SPATA17: variants seen among roughly 807,000 people sequenced by gnomAD.
SPATA17 encodes the protein spermatogenesis associated 17.
Under a neutral mutation model 62.2 loss-of-function variants are expected in SPATA17, and 53 were observed. The ratio of observed to expected loss-of-function variants is 0.85; its 90% CI spans 0.68 to 1.07. SPATA17 has a LOEUF of 1.07. Ranked by LOEUF, SPATA17 falls within the 50% of genes least tolerant of loss-of-function variation. The pLI is 0.00. For missense variants in SPATA17, 466 were observed against 425.5 expected (o/e 1.10, Z -0.84); for synonymous variants, 146 against 146.8 (o/e 0.99, Z 0.04).
chr1:217,784,322 T>A (rs1673802502), intron 8 of SPATA17, among the ~76,000 whole-genome samples: 1 of 152,186 alleles, frequency 6.6e-6, no homozygotes, highest in Admixed American at 6.5e-5. Flanking sequence ...ATCAGGAACC[T>A]GCTATCTAGA....
At position 217,839,079 on chromosome 1, in the gene SPATA17, G is replaced by A. The variant is rs1013199493; in HGVS notation, c.1006-23695G>A. On this transcript the variant is annotated intron_variant, in intron 9 of 10. Transcript: ENST00000366933. ...CAAAAACACCCTGGATATTAAAAGC[G>A]ACTTTGGGCTCTAATGTGAAGCCCA... Among the ~76,000 whole-genome samples the A allele has an allele frequency of 5.9e-5, 9 of 152,016 alleles. No individual in the cohort carries two copies. In the South Asian group the frequency reaches 1.4e-3, roughly 24 times the overall value.
At chr1:217,837,154 G>A (rs1001095986) in intron 9 of SPATA17, among the ~76,000 whole-genome samples, 8 of 152,004 alleles carry the variant, frequency 5.3e-5, no homozygotes, top group African/African-American at 1.7e-4. Flanking sequence ...TAGAGCTCCT[G>A]AATCTAGATA....
chr1:217,641,201 T>C (rs1157681571), intron 1 of SPATA17, among the ~76,000 whole-genome samples: 1 of 152,134 alleles, frequency 6.6e-6, no homozygotes, highest in Non-Finnish European at 1.5e-5. Context: ...TATTTTTAGG[T>C]ATTGATACAG....
At chr1:217,783,501 T>G (rs948346747) in intron 8 of SPATA17, among the ~76,000 whole-genome samples, 5 of 152,108 alleles carry the variant, frequency 3.3e-5, no homozygotes, top group Middle Eastern at 3.4e-3. Context: ...AATAAGGAAC[T>G]TTTTTTCCAA....
rs1358246759 is a variant in SPATA17, at chr1:217,867,773, T to C, written c.*754T>C. On this transcript the variant is annotated 3_prime_UTR_variant, in exon 11 of 11. Coordinates refer to ENST00000366933, the MANE Select transcript of SPATA17 (RefSeq NM_138796.4). ...CATTTGAGGTTCCTATATCCTTTAA[T>C]CCCATCCCATGTGTATCTTTACAAT... is the stretch of plus-strand genomic sequence containing the variant. 1 of 152,186 alleles carries C rather than the reference T, an allele frequency of 6.6e-6. No homozygotes were observed. The highest frequency in any genetic ancestry group is 2.4e-5 in the African/African-American group (1 of 41,446). 9.4% of individuals were successfully genotyped at this position (152,186 alleles called of 1,614,324 possible).
chr1:217,804,307 G>C (rs572935864), intron 9 of SPATA17, among the ~76,000 whole-genome samples: 37 of 152,296 alleles, frequency 2.4e-4, no homozygotes, highest in African/African-American at 8.7e-4. Context: ...AGTGGGGACA[G>C]GATGGTCTCT....
chr1:217,720,136 C>T (rs569081834), intron 5 of SPATA17, among the ~76,000 whole-genome samples: 3 of 152,282 alleles, frequency 2.0e-5, no homozygotes, highest in South Asian at 2.1e-4. Flanking sequence ...CATATCCCTC[C>T]AGAACCCTTT....
chr1:217,768,503 T>A (rs1673358358), intron 6 of SPATA17, among the ~76,000 whole-genome samples: 1 of 151,784 alleles, frequency 6.6e-6, no homozygotes, highest in Non-Finnish European at 1.5e-5. Flanking sequence ...ATCTTTTTTT[T>A]TTTTTTAAGA....
At chr1:217,823,560 C>T (rs1387727770) in intron 9 of SPATA17, among the ~76,000 whole-genome samples, 2 of 151,942 alleles carry the variant, frequency 1.3e-5, no homozygotes, top group African/African-American at 2.4e-5. Context: ...CCTCACTGGA[C>T]TTGTACTTCC....
chr1:217,640,816 A>G (rs1026999714), intron 1 of SPATA17, among the ~76,000 whole-genome samples: 6 of 152,138 alleles, frequency 3.9e-5, no homozygotes, highest in African/African-American at 1.2e-4. Context: ...TAGAAAATAT[A>G]TAATACATTT....
chr1:217,744,980 A>G (rs1672713671), intron 6 of SPATA17, among the ~76,000 whole-genome samples: 1 of 152,154 alleles, frequency 6.6e-6, no homozygotes, highest in African/African-American at 2.4e-5. Context: ...CCACAGATAA[A>G]CCTAAGGTTT....
intron 3 of SPATA17, among the ~76,000 whole-genome samples, chr1:217,651,556 C>T (rs909622345): frequency 1.3e-5 from 2 of 152,178 alleles, no homozygotes; most frequent in Non-Finnish European, 2.9e-5. Flanking sequence ...GCCCAGAACA[C>T]AGTCAAAAAA....
intron 1 of SPATA17, among the ~76,000 whole-genome samples, chr1:217,643,048 G>A (rs762297576): frequency 2.0e-4 from 31 of 152,140 alleles, no homozygotes; most frequent in Non-Finnish European, 3.7e-4. Context: ...ATATGTGTTT[G>A]TACACATCTG....
At chr1:217,795,852 G>T (rs1370551457) in intron 8 of SPATA17, among the ~76,000 whole-genome samples, 1 of 152,040 alleles carries the variant, frequency 6.6e-6, no homozygotes, top group Non-Finnish European at 1.5e-5. Context: ...AGGCTGGAGT[G>T]CAGTGGCATG....
At chr1:217,823,218 G>A (rs188795757) in intron 9 of SPATA17, among the ~76,000 whole-genome samples, 13 of 151,934 alleles carry the variant, frequency 8.6e-5, no homozygotes, top group Admixed American at 5.9e-4. Flanking sequence ...TTTTTACCTG[G>A]TTATATGAAT....
At chr1:217,772,725 C>CA (rs1673480944) in intron 6 of SPATA17, among the ~76,000 whole-genome samples, 1 of 152,226 alleles carries the variant, frequency 6.6e-6, no homozygotes, top group South Asian at 2.1e-4. Flanking sequence ...TTATTGAGTG[C>CA]CTACTAAGTG....
chr1:217,696,005 C>G (rs1001421244), intron 5 of SPATA17, among the ~76,000 whole-genome samples: 3 of 151,446 alleles, frequency 2.0e-5, no homozygotes, highest in African/African-American at 7.3e-5. Context: ...CCTCCTTGAG[C>G]TGTGGTGGGC....
chr1:217,711,220 G>A (rs778292669), intron 5 of SPATA17, among the ~76,000 whole-genome samples: 47 of 152,134 alleles, frequency 3.1e-4, no homozygotes, highest in Non-Finnish European at 5.1e-4. Flanking sequence ...AGGGTTTGGT[G>A]TACATATTAT....
At chr1:217,852,268 C>A (rs1162827966) in intron 9 of SPATA17, among the ~76,000 whole-genome samples, 1 of 152,112 alleles carries the variant, frequency 6.6e-6, no homozygotes, top group Admixed American at 6.6e-5. Flanking sequence ...TACTTTTTAA[C>A]CTTAGATACT....
Sources: allele counts gnomAD v4.1 joint callset (sites outside exome capture counted in the v4.1 genomes callset), GRCh38; gene constraint gnomAD v4.1.1; transcripts MANE v1.5; gene names NCBI Gene and HGNC (gene_info 2026-07-23, HGNC 2026-07-21).